NCKAP5: variants seen among roughly 807,000 people sequenced by gnomAD.
NCKAP5 encodes NCK associated protein 5.
A neutral mutation model predicts 167.0 loss-of-function variants in NCKAP5; 92 were observed. The observed-to-expected ratio is 0.55, with a 90% CI of 0.47 to 0.66. The LOEUF (loss-of-function observed/expected upper bound fraction) is 0.66. Ranked by LOEUF, NCKAP5 falls within the 30% of genes least tolerant of loss-of-function variation. NCKAP5 has a pLI of 0.00. For synonymous variants in NCKAP5, 891 were observed against 877.4 expected, an observed-to-expected ratio of 1.02 and a Z score of -0.27; for missense variants, 2,378 against 2,315.0, an observed-to-expected ratio of 1.03 and a Z score of -0.56.
At chr2:133,172,847 C>G (rs187601008) in intron 5 of NCKAP5, among the ~76,000 whole-genome samples, 1 of 152,210 alleles carries the variant, frequency 6.6e-6, no homozygotes, top group African/African-American at 2.4e-5. Context: ...CGGGTTTTCA[C>G]TGTGTTAGCC....
chr2:133,362,936 T>G (rs893840598), intron 3 of NCKAP5, among the ~76,000 whole-genome samples: 13 of 143,344 alleles, frequency 9.1e-5, no homozygotes, highest in African/African-American at 2.0e-4. Context: ...TCGTTTTTTG[T>G]TTTTTTTTTT....
At chr2:133,644,644 T>C in the NCKAP5 span, among the ~76,000 whole-genome samples, 1 of 152,188 alleles carries the variant, frequency 6.6e-6, no homozygotes, top group Non-Finnish European at 1.5e-5. Flanking sequence ...CCAGGTAATA[T>C]CCTTTATATT....
intron 3 of NCKAP5, among the ~76,000 whole-genome samples, chr2:133,314,335 T>G (rs145086833): frequency 2.3e-4 from 35 of 152,296 alleles, no homozygotes; most frequent in African/African-American, 8.2e-4. Context: ...TTGCTGCTAC[T>G]TATGGCTCCC....
chr2:133,522,257 A>C (rs1684538534), intron 2 of NCKAP5, among the ~76,000 whole-genome samples: 1 of 152,154 alleles, frequency 6.6e-6, no homozygotes, highest in Admixed American at 6.5e-5. Flanking sequence ...GCAATGCCCC[A>C]GTCTGTGGGT....
intron 8 of NCKAP5, among the ~76,000 whole-genome samples, chr2:132,905,241 A>C (rs576559309): frequency 6.6e-6 from 1 of 152,288 alleles, no homozygotes; most frequent in South Asian, 2.1e-4. Context: ...GTTGATATAC[A>C]ATATCTCCTT....
intron 3 of NCKAP5, among the ~76,000 whole-genome samples, chr2:133,399,422 T>C (rs1264125422): frequency 2.6e-5 from 4 of 151,798 alleles, no homozygotes; most frequent in African/African-American, 9.7e-5. Context: ...GCTGTCATTA[T>C]AAAGTTGGAG....
chr2:132,923,644 A>G (rs1379137746), intron 8 of NCKAP5, among the ~76,000 whole-genome samples: 1 of 152,202 alleles, frequency 6.6e-6, no homozygotes, highest in Non-Finnish European at 1.5e-5. Flanking sequence ...AAACTAAAAA[A>G]AATGCTCAGC....
At position 133,259,845 on chromosome 2, in the gene NCKAP5, A is replaced by C. The variant is rs191991328; in HGVS notation, c.143+43192T>G. On this transcript the variant is annotated intron_variant, in intron 4 of 19. Coordinates refer to ENST00000409261, the MANE Select transcript of NCKAP5 (RefSeq NM_207363.3). ...TAATTTCTAATACAGTAAATCCCCAAATTTCCTTCCTTTCTACGTGTCTTC... is the reference window on the plus strand; with the variant it reads ...TAATTTCTAATACAGTAAATCCCCACATTTCCTTCCTTTCTACGTGTCTTC... Among the ~76,000 whole-genome samples, 274 of 152,292 alleles carry C rather than the reference A, an allele frequency of 1.8e-3. 1 individual carries two copies. Among genetic ancestry groups the C allele is most frequent in the African/African-American group, 6.3e-3 (262 of 41,556 alleles).
At chr2:133,059,070 C>A (rs1195900411) in intron 6 of NCKAP5, among the ~76,000 whole-genome samples, 1 of 150,220 alleles carries the variant, frequency 6.7e-6, no homozygotes, top group Non-Finnish European at 1.5e-5. Flanking sequence ...GAGGCTGAGG[C>A]GGGCAGATCA....
At chr2:133,032,173 T>A (rs1469782027) in intron 6 of NCKAP5, among the ~76,000 whole-genome samples, 1 of 152,142 alleles carries the variant, frequency 6.6e-6, no homozygotes, top group Admixed American at 6.5e-5. Flanking sequence ...CTCTTGGGTT[T>A]CCCAGTTTTA....
At chr2:132,865,730 G>A (rs1190772666) in intron 10 of NCKAP5, among the ~76,000 whole-genome samples, 1 of 152,194 alleles carries the variant, frequency 6.6e-6, no homozygotes, top group Non-Finnish European at 1.5e-5. Flanking sequence ...GGAAGAATGA[G>A]GGAGTGGGTC....
At chr2:133,128,204 A>C (rs756393553) in intron 6 of NCKAP5, among the ~76,000 whole-genome samples, 1 of 152,236 alleles carries the variant, frequency 6.6e-6, no homozygotes, top group Non-Finnish European at 1.5e-5. Flanking sequence ...AATCCTGGTG[A>C]AAAGTTAAAG....
the NCKAP5 span, among the ~76,000 whole-genome samples, chr2:133,642,059 C>A: frequency 6.6e-6 from 1 of 152,050 alleles, no homozygotes; most frequent in Admixed American, 6.6e-5. Flanking sequence ...CTTGCTGCTT[C>A]AATTCATGGC....
intron 5 of NCKAP5, among the ~76,000 whole-genome samples, chr2:133,131,600 G>A (rs936021354): frequency 6.6e-6 from 1 of 152,098 alleles, no homozygotes; most frequent in African/African-American, 2.4e-5. Flanking sequence ...ACTCAGGCCT[G>A]ACTTTTTGAT....
intron 19 of NCKAP5, among the ~76,000 whole-genome samples, chr2:132,678,617 T>C (rs1470289124): frequency 6.6e-6 from 1 of 152,174 alleles, no homozygotes; most frequent in African/African-American, 2.4e-5. Flanking sequence ...GGTACTGGGT[T>C]GAATGCACTG....
chr2:133,396,461 A>G (rs139733862), intron 3 of NCKAP5, among the ~76,000 whole-genome samples: 13 of 152,218 alleles, frequency 8.5e-5, no homozygotes, highest in African/African-American at 3.1e-4. Flanking sequence ...AAAACACCCA[A>G]CATAGAATTC....
intron 3 of NCKAP5, among the ~76,000 whole-genome samples, chr2:133,353,583 T>TTG (rs1171891551): frequency 6.6e-6 from 1 of 152,304 alleles, no homozygotes; most frequent in Non-Finnish European, 1.5e-5. Flanking sequence ...GCATTTGTTT[T>TTG]TGTACCCAAA....
At chr2:132,830,357 T>A (rs2105362533) in intron 11 of NCKAP5, among the ~76,000 whole-genome samples, 1 of 151,928 alleles carries the variant, frequency 6.6e-6, no homozygotes. Context: ...CTCACTGGTG[T>A]TTCTGGTGAT....
chr2:133,402,503 T>C (rs115806888), intron 3 of NCKAP5, among the ~76,000 whole-genome samples: 204 of 152,332 alleles, frequency 1.3e-3, no homozygotes, highest in Middle Eastern at 3.4e-3. Context: ...TTGGATGTTC[T>C]GTTCCCTCCA....
Sources: gnomAD v4.1 joint callset for allele counts (sites outside exome capture counted in the v4.1 genomes callset) on GRCh38, gnomAD v4.1.1 for gene constraint, MANE v1.5 for transcripts, NCBI Gene and HGNC (gene_info 2026-07-23, HGNC 2026-07-21) for gene names.